The following CDH13 variants were observed in gnomAD, a reference collection of about 807,000 sequenced individuals.
The protein encoded by CDH13 is cadherin-13.
Under a neutral mutation model 63.8 loss-of-function variants are expected in CDH13, and 24 were observed. The observed-to-expected ratio is 0.38, with a 90% CI of 0.27 to 0.53. The LOEUF (loss-of-function observed/expected upper bound fraction) is 0.53. Among genes scored for constraint, CDH13 ranks in the 20% least tolerant of loss-of-function variants. The pLI is 0.85. For synonymous variants in CDH13, 503 were observed against 355.3 expected, an observed-to-expected ratio of 1.42 and a Z score of -4.67; for missense variants, 1,049 against 903.1, an observed-to-expected ratio of 1.16 and a Z score of -2.07.
intron 6 of CDH13, among the ~76,000 whole-genome samples, chr16:83,449,439 G>T (rs910540291): frequency 6.6e-6 from 1 of 152,206 alleles, no homozygotes; most frequent in Non-Finnish European, 1.5e-5. Flanking sequence ...CAGGGCCCCA[G>T]ATCCTGTTCT....
chr16:82,970,823 C>T (rs1158962967), intron 2 of CDH13, among the ~76,000 whole-genome samples: 1 of 152,144 alleles, frequency 6.6e-6, no homozygotes, highest in Non-Finnish European at 1.5e-5. Context: ...ACTATAATGA[C>T]TATAATGACT....
chr16:83,512,048 G>A (rs558266116), intron 7 of CDH13, among the ~76,000 whole-genome samples: 9 of 152,234 alleles, frequency 5.9e-5, no homozygotes, highest in African/African-American at 7.2e-5. Flanking sequence ...GGGGCCAGGC[G>A]CGGTGGCTCA....
At position 83,539,788 on chromosome 16, in the gene CDH13, T is replaced by C. The variant is rs542709631; in HGVS notation, c.960+53133T>C. 2.0e-5 allele frequency among the ~76,000 whole-genome samples: 3 copies of C among 152,190 alleles called. No homozygotes were observed. The South Asian group carries it at 6.2e-4, about 31-fold the overall frequency. On this transcript the variant is annotated intron_variant, in intron 7 of 13. Transcript: ENST00000567109. The stretch of plus-strand genomic sequence containing the variant: ...CAAGGTCATGCGAATAGGTTAGACT[T>C]ATTCACTCTGTGTGGCCCCAGAGGA...
chr16:82,697,423 CT>C (rs34376129), intron 1 of CDH13, among the ~76,000 whole-genome samples: 5,167 of 55,078 alleles, frequency 0.094, 41 homozygotes, highest in Non-Finnish European at 0.12. Flanking sequence ...TTTCTTTTTT[CT>C]TTTTTTTTTT....
intron 4 of CDH13, among the ~76,000 whole-genome samples, chr16:83,178,690 A>G (rs2038226482): frequency 6.6e-6 from 1 of 152,202 alleles, no homozygotes; most frequent in South Asian, 2.1e-4. Flanking sequence ...ATAACGCTTT[A>G]TAGTTGAATG....
chr16:83,595,991 G>A (rs749647068), intron 7 of CDH13, among the ~76,000 whole-genome samples: 21 of 152,314 alleles, frequency 1.4e-4, no homozygotes, highest in African/African-American at 3.8e-4. Flanking sequence ...GCTTCTTCCC[G>A]GCAGAGCAGC....
chr16:82,899,934 A>T (rs1306637863), intron 2 of CDH13, among the ~76,000 whole-genome samples: 1 of 152,192 alleles, frequency 6.6e-6, no homozygotes, highest in African/African-American at 2.4e-5. Flanking sequence ...AGGGCAGAGC[A>T]GTTGCCAGTT....
chr16:83,296,725 C>G (rs1334167516), intron 5 of CDH13, among the ~76,000 whole-genome samples: 2 of 152,074 alleles, frequency 1.3e-5, no homozygotes, highest in Non-Finnish European at 2.9e-5. Flanking sequence ...TGAACTTTTG[C>G]CAATCTCACT....
intron 3 of CDH13, among the ~76,000 whole-genome samples, chr16:83,033,455 ATG>A (rs1256013199): frequency 1.3e-5 from 2 of 152,064 alleles, no homozygotes. Context: ...CAGTATATAT[ATG>A]TGTGTATATG....
rs553544299 is a variant in CDH13 at position 83,422,981 on chromosome 16, G to A, written c.782-63496G>A. Among the ~76,000 whole-genome samples the A allele has an allele frequency of 3.3e-5, 5 of 152,164 alleles. No individual in the cohort carries two copies. The South Asian group carries it at 8.3e-4, about 25-fold the overall frequency. ...CTATGCCAAATACTAGGAATACAAA[G>A]GTAAATTAGACATGCAAGATTTACG... is the stretch of plus-strand genomic sequence containing the variant. On this transcript the variant is annotated intron_variant, in intron 6 of 13. Coordinates refer to ENST00000567109, the MANE Select transcript of CDH13 (RefSeq NM_001257.5).
chr16:83,733,378 G>A (rs544458732), intron 10 of CDH13, among the ~76,000 whole-genome samples: 5 of 152,222 alleles, frequency 3.3e-5, no homozygotes, highest in South Asian at 2.1e-4. Context: ...CAGCCCTCCC[G>A]GTAACCTGGC....
chr16:82,765,134 C>T (rs917892234), intron 1 of CDH13, among the ~76,000 whole-genome samples: 1 of 152,188 alleles, frequency 6.6e-6, no homozygotes, highest in African/African-American at 2.4e-5. Flanking sequence ...AGCCCCTTAG[C>T]TCCATGTAGT....
At chr16:83,382,706 G>A (rs2091592361) in intron 6 of CDH13, among the ~76,000 whole-genome samples, 1 of 152,218 alleles carries the variant, frequency 6.6e-6, no homozygotes, top group South Asian at 2.1e-4. Flanking sequence ...AATACCTTCT[G>A]CAACAGTGAG....
At chr16:82,703,953 G>T (rs2031269888) in intron 1 of CDH13, among the ~76,000 whole-genome samples, 1 of 152,138 alleles carries the variant, frequency 6.6e-6, no homozygotes, top group Admixed American at 6.6e-5. Context: ...ATTCAGCTTT[G>T]CTTTTATCTG....
chr16:83,534,601 A>G (rs1598241817), intron 7 of CDH13, among the ~76,000 whole-genome samples: 2 of 152,190 alleles, frequency 1.3e-5, no homozygotes, highest in South Asian at 4.1e-4. Context: ...ACTTAGCACA[A>G]TGTTGTAAGG....
At chr16:82,683,960 C>T (rs534013951) in intron 1 of CDH13, among the ~76,000 whole-genome samples, 1 of 152,306 alleles carries the variant, frequency 6.6e-6, no homozygotes, top group South Asian at 2.1e-4. Context: ...TTTGACTTGT[C>T]TAGTCTCCTC....
intron 7 of CDH13, among the ~76,000 whole-genome samples, chr16:83,509,918 C>T (rs1434694104): frequency 6.6e-6 from 1 of 152,134 alleles, no homozygotes; most frequent in African/African-American, 2.4e-5. Flanking sequence ...CACACAGCTA[C>T]CAGCTGGCCA....
At chr16:83,189,189 C>G (rs1299082926) in intron 4 of CDH13, among the ~76,000 whole-genome samples, 1 of 152,098 alleles carries the variant, frequency 6.6e-6, no homozygotes, top group African/African-American at 2.4e-5. Context: ...AATTTAGGGC[C>G]CCTTTCTGCC....
Position 82,847,316 on chromosome 16 carries a change from T to G in CDH13, c.46-11046T>G, listed in dbSNP as rs537089107. 9.2e-5 allele frequency among the ~76,000 whole-genome samples: 14 copies of G among 152,334 alleles called. No homozygotes were observed. In the South Asian group the frequency reaches 2.7e-3, roughly 29 times the overall value. ...AAGTTCAAAATGGGCTTCACTGGACTAAAATCAAGGTGTTGGCAGCGATGC... is the reference window on the plus strand; with the variant it reads ...AAGTTCAAAATGGGCTTCACTGGACGAAAATCAAGGTGTTGGCAGCGATGC... On this transcript the variant is annotated intron_variant, in intron 1 of 13. Transcript: ENST00000567109.
Sources: allele counts gnomAD v4.1 joint callset (sites outside exome capture counted in the v4.1 genomes callset), GRCh38; gene constraint gnomAD v4.1.1; transcripts MANE v1.5; gene names NCBI Gene and HGNC (gene_info 2026-07-23, HGNC 2026-07-21).